OAS3: variants seen among roughly 807,000 people sequenced by gnomAD.
The protein encoded by OAS3 is 2'-5'-oligoadenylate synthetase 3, also known as 2'-5'-oligoadenylate synthase 3.
In OAS3, 107 loss-of-function variants were observed where a neutral mutation model predicts 113.0. The observed-to-expected ratio is 0.95, with a 90% CI of 0.81 to 1.11. The LOEUF (loss-of-function observed/expected upper bound fraction) is 1.11. Ranked by LOEUF, OAS3 falls within the 50% of genes most tolerant of loss-of-function variation. OAS3 has a pLI of 0.00. For synonymous variants in OAS3, 552 were observed against 573.6 expected (o/e 0.96, Z 0.54); for missense variants, 1,258 against 1,389.1 (o/e 0.91, Z 1.50).
chr12:112,948,812 G>A (rs1402557444), intron 5 of OAS3, 49 bp from the exon 6 acceptor site: 1 of 1,433,728 alleles, frequency 7.0e-7, no homozygotes, highest in South Asian at 1.3e-5. Flanking sequence ...TTGGGTTGAT[G>A]CAGAAACCAC....
chr12:112,952,607 C>T (rs1159353708), intron 7 of OAS3, among the ~76,000 whole-genome samples: 4 of 152,174 alleles, frequency 2.6e-5, no homozygotes, highest in African/African-American at 9.6e-5. Context: ...ACCATTGCTA[C>T]TTGATTTCCT....
intron 8 of OAS3, 93 bp from the exon 9 acceptor site, chr12:112,962,558 AT>A: frequency 7.0e-7 from 1 of 1,431,022 alleles, no homozygotes; most frequent in Non-Finnish European, 9.6e-7. Flanking sequence ...CTGCGCTTCT[AT>A]TTTCTATATT....
intron 7 of OAS3, among the ~76,000 whole-genome samples, chr12:112,959,522 G>T (rs2043863883): frequency 6.6e-6 from 1 of 152,182 alleles, no homozygotes; most frequent in Non-Finnish European, 1.5e-5. Flanking sequence ...TCTTTGAAAT[G>T]TGCTGTCCCT....
chr12:112,941,797 C>T lies in OAS3; in HGVS notation c.405C>T (p.Ser135=), dbSNP rs189567284. Residue 135 remains serine, a synonymous_variant, in exon 2 of 16, where the codon TCC becomes TCT. Transcript: ENST00000228928. ...VPGALQFRLT[S]VDLEDWMDVS... ...GGGCCCTGCAGTTCCGCCTGACATC[C>T]GTAGATCTTGAGGACTGGATGGATG... The T allele has an allele frequency of 2.0e-5, 33 of 1,613,998 alleles. No homozygotes were observed. The highest frequency in any genetic ancestry group is 4.5e-5 in the East Asian group (2 of 44,888).
At position 112,949,770 on chromosome 12, in the gene OAS3, G is replaced by A. The variant is rs186210778; in HGVS notation, c.1374+565G>A. ...ACGGTGGCTCACGCCTGTAATCCTG[G>A]AACTTTGGGAGGCCAAGGTGGGCAG... On this transcript the variant is annotated intron_variant, in intron 6 of 15. Coordinates refer to ENST00000228928, the MANE Select transcript of OAS3 (RefSeq NM_006187.4). Among the ~76,000 whole-genome samples the A allele has an allele frequency of 6.6e-4, 100 of 152,266 alleles. 2 individuals carry two copies. In the East Asian group the frequency reaches 0.019, roughly 29 times the overall value.
In OAS3 at chr12:112,954,034, T is replaced by C. The variant is rs1419971559; in HGVS notation, c.1657+3059T>C. ...CAGTTTTGGCTTCTGTTGCCATTGC[T>C]TTTGGTGTTTTAGTCATGAAGTCCT... On this transcript the variant is annotated intron_variant, in intron 7 of 15. Transcript: ENST00000228928. The surrounding 1 kb of genome is among the most constrained non-coding windows in gnomAD (Gnocchi z 4.0). Among the ~76,000 whole-genome samples, 6 of 152,222 alleles carry C rather than the reference T, an allele frequency of 3.9e-5. No homozygotes were observed. The highest frequency in any genetic ancestry group is 1.5e-5 in the Non-Finnish European group (1 of 68,032).
chr12:112,961,262 C>T lies in OAS3; in HGVS notation c.1833+16C>T. On this transcript the variant is annotated intron_variant, in intron 8 of 15. Transcript: ENST00000228928. ...GTACCGCCAGGTGAGTTGCCCCTGG[C>T]TCCTCCCAGGAAGCCACCACTGTCA... 2.5e-6 allele frequency: 4 copies of T among 1,610,026 alleles called. No homozygotes were observed. The highest frequency in any genetic ancestry group is 2.5e-6 in the Non-Finnish European group (3 of 1,177,380).
At chr12:112,967,640 C>T (rs1231593748) in intron 13 of OAS3, 47 bp downstream of exon 13, 2 of 1,575,942 alleles carry the variant, frequency 1.3e-6, no homozygotes, top group South Asian at 2.3e-5. Flanking sequence ...CTGGGATCTG[C>T]CTCTGGAGCA....
Position 112,962,879 on chromosome 12 carries a change from T to C in OAS3, c.2061T>C (p.Leu687=). Residue 687 remains leucine (L), a synonymous_variant, in exon 9 of 16, where the codon CTT becomes CTC. Transcript: ENST00000228928. ...STEDPAMRMH[L]LGQLRKPRPL... ...AGGACCCAGCCATGAGAATGCACCT[T>C]CTTGGCCAGCTTCGAAAACCCAGGT... 3 of 1,613,800 alleles carry C rather than the reference T, an allele frequency of 1.9e-6. No homozygotes were observed. The highest frequency in any genetic ancestry group is 2.5e-6 in the Non-Finnish European group (3 of 1,179,762).
Position 112,941,597 on chromosome 12 carries a change from C to G in OAS3, c.205C>G (p.Leu69Val). Residue 69 changes from leucine (L) to valine (V), a missense_variant, in exon 2 of 16, where the codon CTC becomes GTC. Physicochemically the swap from Leu to Val is conservative, Grantham distance 32. Transcript: ENST00000228928. ...AGGCTCCTCGGGCCGGGGCACAGCT[C>G]TCAAGGGTGGCTGTGATTCTGAACT... ...KGGSSGRGTALKGGCDSELVI... is the reference protein window; with the variant it reads ...KGGSSGRGTAVKGGCDSELVI... The G allele has an allele frequency of 4.3e-6, 7 of 1,613,938 alleles. No individual in the cohort carries two copies. The highest frequency in any genetic ancestry group is 5.9e-6 in the Non-Finnish European group (7 of 1,179,840).
chr12:112,945,752 T>C (rs1025424030), intron 3 of OAS3, among the ~76,000 whole-genome samples: 1 of 152,214 alleles, frequency 6.6e-6, no homozygotes, highest in Non-Finnish European at 1.5e-5. Flanking sequence ...TAAAGAAATA[T>C]ATGCATCGGC....
chr12:112,948,804 G>T, intron 5 of OAS3, 57 bp from the exon 6 acceptor site: 1 of 1,353,564 alleles, frequency 7.4e-7, no homozygotes, highest in Non-Finnish European at 1.0e-6. Context: ...AGAAGGCATT[G>T]GGTTGATGCA....
Position 112,947,931 on chromosome 12 carries a change from T to C in OAS3, c.876-15T>C. 6.4e-7 allele frequency: 1 copy of C among 1,570,144 alleles called. No individual in the cohort carries two copies. The highest frequency in any genetic ancestry group is 8.6e-7 in the Non-Finnish European group (1 of 1,158,338). ...TCTTGCTAACCAGAACCTTCTTGTCTCTCTGAAATTGCAGGCCTGTGATCC... is the reference window on the plus strand; with the variant it reads ...TCTTGCTAACCAGAACCTTCTTGTCCCTCTGAAATTGCAGGCCTGTGATCC... On this transcript the variant is annotated splice_polypyrimidine_tract_variant and intron_variant, in intron 4 of 15. Coordinates refer to ENST00000228928, the MANE Select transcript of OAS3 (RefSeq NM_006187.4).
chr12:112,943,715 A>AT (rs902866697), intron 2 of OAS3, among the ~76,000 whole-genome samples: 9 of 152,122 alleles, frequency 5.9e-5, no homozygotes, highest in South Asian at 2.1e-4. Flanking sequence ...CAGTAAAAAA[A>AT]ATATATATTT....
chr12:112,955,647 G>T (rs1205006619), intron 7 of OAS3, among the ~76,000 whole-genome samples: 2 of 152,186 alleles, frequency 1.3e-5, no homozygotes, highest in Non-Finnish European at 2.9e-5. Context: ...TGTTGAACCA[G>T]CCTTGCATCC....
intron 7 of OAS3, among the ~76,000 whole-genome samples, chr12:112,956,418 A>C (rs1182894223): frequency 2.6e-5 from 4 of 151,810 alleles, no homozygotes; most frequent in Admixed American, 2.6e-4. Flanking sequence ...AGTTCTTTTC[A>C]TTGTGATGTT....
At chr12:112,943,926 C>T (rs1565974232) in intron 2 of OAS3, among the ~76,000 whole-genome samples, 2 of 152,092 alleles carry the variant, frequency 1.3e-5, no homozygotes, top group Non-Finnish European at 2.9e-5. Context: ...CTCCTGACCT[C>T]AGGTGAACCT....
intron 1 of OAS3, among the ~76,000 whole-genome samples, chr12:112,939,070 A>G (rs2043656512): frequency 6.6e-6 from 1 of 152,198 alleles, no homozygotes; most frequent in South Asian, 2.1e-4. Context: ...CAGTCATTCA[A>G]ACAGACTGTG....
At position 112,941,719 on chromosome 12, in the gene OAS3, G is replaced by A. The variant is rs755611962; in HGVS notation, c.327G>A (p.Trp109Ter). 37 of 1,614,016 alleles carry A rather than the reference G, an allele frequency of 2.3e-5. No homozygotes were observed. The highest frequency in any genetic ancestry group is 3.1e-5 in the Non-Finnish European group (37 of 1,179,894). ...TGCGGGCATCGCTGGAATCCTGGTGGCAGAACCCAGTCCCTGGTCTGAGAC... is the reference window on the plus strand; with the variant it reads ...TGCGGGCATCGCTGGAATCCTGGTGACAGAACCCAGTCCCTGGTCTGAGAC... ...SEMRASLESW[W>*]QNPVPGLRLT... Residue 109 changes from tryptophan (W) to a stop codon, truncating the protein, a stop_gained, in exon 2 of 16, where the codon TGG becomes TGA. Coordinates refer to ENST00000228928, the MANE Select transcript of OAS3 (RefSeq NM_006187.4). LOFTEE classifies it high-confidence loss of function.
Sources: gnomAD v4.1 joint callset for allele counts (sites outside exome capture counted in the v4.1 genomes callset) on GRCh38, gnomAD v4.1.1 for gene constraint, Gnocchi (gnomAD v3.1) non-coding constraint, MANE v1.5 for transcripts, NCBI Gene and HGNC (gene_info 2026-07-23, HGNC 2026-07-21) for gene names.